The following LACTB variants were observed in gnomAD, a reference collection of about 807,000 sequenced individuals.
The protein encoded by LACTB is serine beta-lactamase-like protein LACTB, mitochondrial.
LACTB carries 35 observed loss-of-function variants against 50.2 expected under a neutral mutation model. The ratio of observed to expected loss-of-function variants is 0.70; its 90% CI spans 0.53 to 0.92. The LOEUF (loss-of-function observed/expected upper bound fraction) is 0.92. Ranked by LOEUF, LACTB falls within the 40% of genes least tolerant of loss-of-function variation. The pLI, the probability that LACTB is intolerant of heterozygous loss-of-function variation, is 0.00. For missense variants in LACTB, 664 were observed against 691.8 expected, an observed-to-expected ratio of 0.96 and a Z score of 0.45; for synonymous variants, 252 against 268.2, an observed-to-expected ratio of 0.94 and a Z score of 0.59.
rs369446060 is a variant in LACTB at position 63,141,640 on chromosome 15, T to C, written c.1479T>C (p.Ser493=). Residue 493 remains serine, a synonymous_variant, in exon 6 of 6, where the codon AGT becomes AGC. Coordinates refer to ENST00000261893, the MANE Select transcript of LACTB (RefSeq NM_032857.5). ...ATACTGGAGGGGCAGTGGGTGCCAGTAGTGTCCTGCTGGTCCTTCCTGAAG... is the reference window on the plus strand; with the variant it reads ...ATACTGGAGGGGCAGTGGGTGCCAGCAGTGTCCTGCTGGTCCTTCCTGAAG... ...ASHTGGAVGA[S]SVLLVLPEEL... 2.5e-4 allele frequency: 398 copies of C among 1,614,184 alleles called. 2 individuals carry two copies. The highest frequency in any genetic ancestry group is 1.7e-3 in the South Asian group (155 of 91,084).
intron 5 of LACTB, among the ~76,000 whole-genome samples, chr15:63,137,325 G>T (rs1191292950): frequency 6.6e-6 from 1 of 152,154 alleles, no homozygotes; most frequent in Admixed American, 6.5e-5. Flanking sequence ...CTCAGTCAAT[G>T]CCTCGGCTTA....
intron 5 of LACTB, among the ~76,000 whole-genome samples, chr15:63,140,161 C>T (rs962115794): frequency 7.9e-5 from 12 of 152,142 alleles, no homozygotes; most frequent in African/African-American, 2.9e-4. Flanking sequence ...TATTATGTAA[C>T]TTTTAGATTT....
At chr15:63,122,572 C>G (rs149209101) in intron 1 of LACTB, 64 bp from the exon 2 acceptor site, 27 of 1,325,708 alleles carry the variant, frequency 2.0e-5, no homozygotes, top group African/African-American at 5.8e-5. Context: ...GGAAGGTCCC[C>G]GAGGAGAGCG....
intron 5 of LACTB, 69 bp downstream of exon 5, chr15:63,129,719 A>T (rs934006078): frequency 2.4e-5 from 33 of 1,358,256 alleles, no homozygotes; most frequent in Non-Finnish European, 3.0e-5. Flanking sequence ...TTAAAAGTCA[A>T]ATTTTCTTTG....
At chr15:63,139,511 G>T (rs1008345321) in intron 5 of LACTB, among the ~76,000 whole-genome samples, 4 of 152,166 alleles carry the variant, frequency 2.6e-5, no homozygotes, top group African/African-American at 9.7e-5. Context: ...AAGTTAGCCA[G>T]ATGTGGTGGC....
At chr15:63,133,503 G>A (rs1000103223) in intron 5 of LACTB, among the ~76,000 whole-genome samples, 1 of 152,098 alleles carries the variant, frequency 6.6e-6, no homozygotes, top group Non-Finnish European at 1.5e-5. Flanking sequence ...GCACACCTGC[G>A]GTCCTAGTTA....
rs1258915070 is a variant in LACTB at position 63,133,025 on chromosome 15, GTTAC to G, written c.1118+3380_1118+3383del. ...TTTAAATATAAACTATCAAGTTGAAGTTACTTACGTAAATTTGAATTGGGTGTTC... is the reference window on the plus strand; with the variant it reads ...TTTAAATATAAACTATCAAGTTGAAGTTACGTAAATTTGAATTGGGTGTTC... On this transcript the variant is annotated intron_variant, in intron 5 of 5. Coordinates refer to ENST00000261893, the MANE Select transcript of LACTB (RefSeq NM_032857.5). 3.9e-5 allele frequency among the ~76,000 whole-genome samples: 6 copies of G among 152,204 alleles called. No individual in the cohort carries two copies. In the South Asian group the frequency reaches 6.2e-4, roughly 16 times the overall value.
chr15:63,132,026 G>A (rs1267391849), intron 5 of LACTB, among the ~76,000 whole-genome samples: 4 of 151,846 alleles, frequency 2.6e-5, no homozygotes, highest in African/African-American at 9.7e-5. Flanking sequence ...TAGATATGTA[G>A]CTAACATGGT....
chr15:63,127,017 G>A lies in LACTB; in HGVS notation c.583G>A (p.Glu195Lys), dbSNP rs746697600. The change falls in exon 3 of 6, where the codon GAA becomes AAA. Residue 195 changes from glutamate (E) to lysine (K), a missense_variant. By Grantham distance (56) the Glu-to-Lys change is moderately conservative. Coordinates refer to ENST00000261893, the MANE Select transcript of LACTB (RefSeq NM_032857.5). Reference protein sequence around the residue: ...LDIPVQHYVPEFPEKEYEGEK... With the variant: ...LDIPVQHYVPKFPEKEYEGEK... ...TATTCCAGTACAACATTATGTTCCC[G>A]AATTCCCAGAAAAAGAATATGAAGG... 7 of 1,606,972 alleles carry A rather than the reference G, an allele frequency of 4.4e-6. No homozygotes were observed. Among genetic ancestry groups the A allele is most frequent in the African/African-American group, 2.7e-5 (2 of 74,620 alleles).
chr15:63,122,611 T>A, intron 1 of LACTB, 25 bp from the exon 2 acceptor site: 1 of 1,592,438 alleles, frequency 6.3e-7, no homozygotes, highest in Non-Finnish European at 8.6e-7. Context: ...CCCGTAACTG[T>A]CGGTTCTTTC....
At chr15:63,123,809 T>C (rs1206735048) in intron 2 of LACTB, among the ~76,000 whole-genome samples, 1 of 152,232 alleles carries the variant, frequency 6.6e-6, no homozygotes, top group Non-Finnish European at 1.5e-5. Flanking sequence ...ACTAATTGAC[T>C]ACTGCTATCT....
intron 1 of LACTB, 81 bp from the exon 2 acceptor site, chr15:63,122,555 G>T: frequency 8.9e-7 from 1 of 1,122,554 alleles, no homozygotes; most frequent in Non-Finnish European, 1.4e-6. Context: ...TCAGGGGGCG[G>T]GGCCTTGGAA....
At chr15:63,138,610 A>G (rs962415786) in intron 5 of LACTB, among the ~76,000 whole-genome samples, 1 of 152,230 alleles carries the variant, frequency 6.6e-6, no homozygotes, top group Admixed American at 6.5e-5. Context: ...TAAGAGATTA[A>G]AATCTAGAAT....
intron 2 of LACTB, among the ~76,000 whole-genome samples, chr15:63,125,210 C>A (rs1011269240): frequency 1.9e-4 from 29 of 151,368 alleles, no homozygotes; most frequent in African/African-American, 7.0e-4. Flanking sequence ...TCTTGTTGCC[C>A]AGGCTGGAGT....
Position 63,141,840 on chromosome 15 carries a change from C to T in LACTB, c.*35C>T, listed in dbSNP as rs1375302922. On this transcript the variant is annotated 3_prime_UTR_variant, in exon 6 of 6. Coordinates refer to ENST00000261893, the MANE Select transcript of LACTB (RefSeq NM_032857.5). ...CACCATAGGTGCAAAATGAGTTGTT[C>T]TGAGGTTTTTTTGAAACATTAAAGT... is the stretch of plus-strand genomic sequence containing the variant. 2 of 1,545,854 alleles carry T rather than the reference C, an allele frequency of 1.3e-6. No individual in the cohort carries two copies. The highest frequency in any genetic ancestry group is 1.9e-5 in the Admixed American group (1 of 51,654).
At chr15:63,135,979 A>G (rs1291679321) in intron 5 of LACTB, among the ~76,000 whole-genome samples, 1 of 151,846 alleles carries the variant, frequency 6.6e-6, no homozygotes, top group East Asian at 1.9e-4. Flanking sequence ...TGAGTAATTA[A>G]CTTGTGACTT....
intron 2 of LACTB, among the ~76,000 whole-genome samples, chr15:63,124,795 A>C (rs2037026833): frequency 2.0e-5 from 3 of 152,002 alleles, no homozygotes; most frequent in African/African-American, 7.3e-5. Context: ...TCTACTAAAA[A>C]CACAAAAAAT....
intron 4 of LACTB, 95 bp downstream of exon 4, chr15:63,127,784 A>C (rs919107966): frequency 1.2e-6 from 1 of 861,808 alleles, no homozygotes; most frequent in Non-Finnish European, 1.8e-6. Context: ...GCATTCATTG[A>C]GGTTGATGAT....
Position 63,122,638 on chromosome 15 carries a change from T to C in LACTB, c.360T>C (p.Asp120=). The change falls in exon 2 of 6, where the codon GAT becomes GAC. Residue 120 remains aspartate, a splice_region_variant and synonymous_variant. Coordinates refer to ENST00000261893, the MANE Select transcript of LACTB (RefSeq NM_032857.5). ...SSRDLLHRIK[D]EVGAPGIVVG... is the part of the protein sequence containing the mutation. Reference sequence around the variant, plus strand: ...GGTTCTTTCCCCTTCGGTCTTAGGATGAGGTGGGCGCACCGGGCATAGTGG... The same window carrying C: ...GGTTCTTTCCCCTTCGGTCTTAGGACGAGGTGGGCGCACCGGGCATAGTGG... 6.2e-7 allele frequency: 1 copy of C among 1,612,716 alleles called. No homozygotes were observed. The highest frequency in any genetic ancestry group is 8.5e-7 in the Non-Finnish European group (1 of 1,178,688).
Sources: allele counts gnomAD v4.1 joint callset (sites outside exome capture counted in the v4.1 genomes callset), GRCh38; gene constraint gnomAD v4.1.1; transcripts MANE v1.5; gene names NCBI Gene and HGNC (gene_info 2026-07-23, HGNC 2026-07-21).